EBF2: variants seen among roughly 807,000 people sequenced by gnomAD.
EBF2 encodes the protein transcription factor COE2.
EBF2 carries 21 observed loss-of-function variants against 72.8 expected under a neutral mutation model. The observed-to-expected ratio is 0.29, with a 90% CI of 0.20 to 0.42. The LOEUF (loss-of-function observed/expected upper bound fraction) is 0.42, where lower values mean the gene tolerates loss of function less well. EBF2 is among the 10% of genes least tolerant of loss of function. The probability of loss-of-function intolerance (pLI) is 1.00; values close to 1 mark genes in which losing one functional copy is unlikely to be tolerated. For synonymous variants in EBF2, 299 were observed against 274.2 expected, an observed-to-expected ratio of 1.09 and a Z score of -0.89; for missense variants, 637 against 731.2, an observed-to-expected ratio of 0.87 and a Z score of 1.49.
Position 26,008,168 on chromosome 8 carries a change from T to C in EBF2, c.551+24917A>G, listed in dbSNP as rs12681460. On this transcript the variant is annotated intron_variant, in intron 6 of 15. Transcript: ENST00000520164. ...GTGATACACGGGTATGGGTCTATGTTTCCCAAGCAGTATTTACAGCACACA... is the reference window on the plus strand; with the variant it reads ...GTGATACACGGGTATGGGTCTATGTCTCCCAAGCAGTATTTACAGCACACA... Among the ~76,000 whole-genome samples, 5,144 of 152,010 alleles carry C rather than the reference T, an allele frequency of 0.034. 591 individuals carry two copies. In the East Asian group the frequency reaches 0.34, roughly 10 times the overall value.
At chr8:25,908,751 C>T (rs1022969782) in intron 6 of EBF2, among the ~76,000 whole-genome samples, 196 bp from the exon 7 acceptor site, 5 of 152,174 alleles carry the variant, frequency 3.3e-5, no homozygotes, top group African/African-American at 9.7e-5. Flanking sequence ...AAGCCCAGCA[C>T]CCGCTTCCCC....
intron 8 of EBF2, among the ~76,000 whole-genome samples, chr8:25,888,859 A>G (rs889925037): frequency 2.0e-5 from 3 of 152,232 alleles, no homozygotes; most frequent in Admixed American, 6.5e-5. Context: ...ACAGCCAGTC[A>G]ATCACATCCA....
chr8:25,939,604 G>A (rs1428951491), intron 6 of EBF2, among the ~76,000 whole-genome samples: 2 of 152,198 alleles, frequency 1.3e-5, no homozygotes, highest in Non-Finnish European at 2.9e-5. Flanking sequence ...TAAGTTCAGA[G>A]ACTATTTCTG....
chr8:25,886,496 C>G (rs892123935), intron 10 of EBF2, among the ~76,000 whole-genome samples: 10 of 152,286 alleles, frequency 6.6e-5, no homozygotes, highest in African/African-American at 2.4e-4. Context: ...CAGCATGGTT[C>G]CAACAGAGTT....
chr8:26,036,153 G>C (rs1300190142), intron 5 of EBF2, among the ~76,000 whole-genome samples: 1 of 152,196 alleles, frequency 6.6e-6, no homozygotes, highest in Non-Finnish European at 1.5e-5. Context: ...GTTTGGGTAG[G>C]AATGATTCTG....
intron 6 of EBF2, among the ~76,000 whole-genome samples, chr8:25,913,966 C>A (rs977437082): frequency 1.3e-5 from 2 of 152,178 alleles, no homozygotes; most frequent in Non-Finnish European, 2.9e-5. Context: ...CACTCTCATA[C>A]CATTTCTGAG....
chr8:26,024,844 T>C (rs536383170), intron 6 of EBF2, among the ~76,000 whole-genome samples: 29 of 152,174 alleles, frequency 1.9e-4, no homozygotes, highest in Non-Finnish European at 3.8e-4. Context: ...GGAGAGGTAT[T>C]ATTAACACCA....
chr8:25,965,162 A>G (rs886599517), intron 6 of EBF2, among the ~76,000 whole-genome samples: 21 of 152,196 alleles, frequency 1.4e-4, no homozygotes, highest in South Asian at 4.1e-4. Flanking sequence ...ACCTTACTAT[A>G]TTTTCATGGA....
rs575953169 is a variant in EBF2, at chr8:26,002,560, G to A, written c.551+30525C>T. Among the ~76,000 whole-genome samples, 302 of 133,078 alleles carry A rather than the reference G, an allele frequency of 2.3e-3. 2 individuals carry two copies. The highest frequency in any genetic ancestry group is 2.1e-3 in the Non-Finnish European group (123 of 59,294). 87.3% of individuals were successfully genotyped at this position (133,078 alleles called of 152,430 possible). On this transcript the variant is annotated intron_variant, in intron 6 of 15. Coordinates refer to ENST00000520164, the MANE Select transcript of EBF2 (RefSeq NM_022659.4). ...TTCCCTTTGTGTTCTATCTCCCTAC[G>A]GCCCTTCCTCAAAGCAAGTAGAGTT...
At chr8:25,934,813 G>GA (rs1445751729) in intron 6 of EBF2, among the ~76,000 whole-genome samples, 1 of 152,114 alleles carries the variant, frequency 6.6e-6, no homozygotes, top group East Asian at 1.9e-4. Context: ...TCTGCTTTTT[G>GA]AAAAAATCCT....
chr8:25,866,443 AAT>A (rs58044762), intron 10 of EBF2, among the ~76,000 whole-genome samples: 48,849 of 140,000 alleles, frequency 0.35, 9,229 homozygotes, highest in African/African-American at 0.49. Context: ...TTATATATAT[AAT>A]ATATATATAT....
chr8:25,995,532 A>T (rs1039455107), intron 6 of EBF2, among the ~76,000 whole-genome samples: 1 of 152,176 alleles, frequency 6.6e-6, no homozygotes, highest in Admixed American at 6.5e-5. Context: ...GATCGAAAAT[A>T]TGTATGCTAT....
intron 7 of EBF2, among the ~76,000 whole-genome samples, chr8:25,896,670 G>A (rs1215655523): frequency 1.3e-5 from 2 of 152,160 alleles, no homozygotes; most frequent in African/African-American, 4.8e-5. Flanking sequence ...CCATTAAAGG[G>A]ACAGAGAAAA....
chr8:26,044,658 GGGGGGTGCACAC>G lies in EBF2; in HGVS notation c.131+59_131+70del. 4.5e-6 allele frequency: 7 copies of G among 1,561,412 alleles called. No homozygotes were observed. The highest frequency in any genetic ancestry group is 6.1e-6 in the Non-Finnish European group (7 of 1,147,642). ...AGAGAGAAAGGCACGGGGTGCGCGGGGGGGGTGCACACGGAGAGACAGACCGTAAGAGCGAGA... is the reference window on the plus strand; with the variant it reads ...AGAGAGAAAGGCACGGGGTGCGCGGGGGAGAGACAGACCGTAAGAGCGAGA... On this transcript the variant is annotated intron_variant, in intron 1 of 15. Coordinates refer to ENST00000520164, the MANE Select transcript of EBF2 (RefSeq NM_022659.4). This position sits in a 1 kb window ranked among gnomAD's most constrained non-coding sequence, Gnocchi z 4.1.
intron 14 of EBF2, chr8:25,857,919 ACTTC>A: frequency 5.7e-6 from 2 of 349,316 alleles, no homozygotes; most frequent in South Asian, 2.4e-5. Flanking sequence ...GCAAAGCCAA[ACTTC>A]CTTGTCTATA....
intron 14 of EBF2, among the ~76,000 whole-genome samples, chr8:25,856,129 CTG>C (rs1461909093): frequency 5.3e-5 from 8 of 152,188 alleles, no homozygotes; most frequent in Admixed American, 1.3e-4. Flanking sequence ...TCACACCTAA[CTG>C]TGCATTTTCA....
chr8:25,866,631 ATATATTT>A (rs1563381508), intron 10 of EBF2, among the ~76,000 whole-genome samples: 1 of 106,040 alleles, frequency 9.4e-6, no homozygotes, highest in Non-Finnish European at 1.8e-5. Context: ...ATATATATAT[ATATATTT>A]TTTTTTTTTT....
intron 6 of EBF2, among the ~76,000 whole-genome samples, chr8:26,003,398 G>C (rs931468432): frequency 3.9e-5 from 6 of 152,044 alleles, no homozygotes; most frequent in Non-Finnish European, 5.9e-5. Context: ...AACTTTTCTT[G>C]TTACTCCCAA....
chr8:25,918,258 A>G (rs1315866340), intron 6 of EBF2, among the ~76,000 whole-genome samples: 1 of 152,308 alleles, frequency 6.6e-6, no homozygotes, highest in Non-Finnish European at 1.5e-5. Context: ...GCATCTATGT[A>G]ATGTTATATT....
Sources: gnomAD v4.1 joint callset for allele counts (sites outside exome capture counted in the v4.1 genomes callset) on GRCh38, gnomAD v4.1.1 for gene constraint, Gnocchi (gnomAD v3.1) non-coding constraint, MANE v1.5 for transcripts, NCBI Gene and HGNC (gene_info 2026-07-23, HGNC 2026-07-21) for gene names.